The following ZSWIM5 variants were observed in gnomAD, a reference collection of about 807,000 sequenced individuals.
ZSWIM5 encodes the protein zinc finger SWIM domain-containing protein 5.
Under a neutral mutation model 119.6 loss-of-function variants are expected in ZSWIM5, and 55 were observed. That is an observed-to-expected ratio of 0.46 (90% CI 0.37 to 0.58). The LOEUF (loss-of-function observed/expected upper bound fraction) is 0.58. Among genes scored for constraint, ZSWIM5 ranks in the 20% least tolerant of loss-of-function variants. ZSWIM5 has a pLI of 0.00. For missense variants in ZSWIM5, 1,193 were observed against 1,512.8 expected, an observed-to-expected ratio of 0.79 and a Z score of 3.51; for synonymous variants, 537 against 606.9, an observed-to-expected ratio of 0.88 and a Z score of 1.69.
intron 1 of ZSWIM5, among the ~76,000 whole-genome samples, chr1:45,165,717 A>G (rs1310593236): frequency 3.3e-5 from 5 of 152,154 alleles, no homozygotes; most frequent in Non-Finnish European, 7.4e-5. Flanking sequence ...GAAAATCTAG[A>G]AAAAATGGAT....
intron 1 of ZSWIM5, among the ~76,000 whole-genome samples, chr1:45,199,374 C>T (rs896560432): frequency 1.3e-5 from 2 of 151,744 alleles, no homozygotes; most frequent in Non-Finnish European, 2.9e-5. Context: ...TCTTGGCTCA[C>T]TGCAACCTCT....
intron 2 of ZSWIM5, among the ~76,000 whole-genome samples, chr1:45,067,968 G>T (rs548101899): frequency 4.5e-4 from 69 of 152,188 alleles, no homozygotes; most frequent in African/African-American, 1.6e-3. Context: ...AAGATAGAAA[G>T]GATGTCTTTT....
At chr1:45,064,928 C>T (rs933403021) in intron 2 of ZSWIM5, among the ~76,000 whole-genome samples, 1 of 152,114 alleles carries the variant, frequency 6.6e-6, no homozygotes, top group African/African-American at 2.4e-5. Context: ...GTTTTAGGTC[C>T]CCTGAAGCTG....
chr1:45,101,321 G>C (rs1367305123), intron 1 of ZSWIM5, among the ~76,000 whole-genome samples: 1 of 152,168 alleles, frequency 6.6e-6, no homozygotes, highest in Non-Finnish European at 1.5e-5. Context: ...TCAGAGAAAT[G>C]CAAATCAAAA....
chr1:45,193,944 A>G (rs1030788766), intron 1 of ZSWIM5, among the ~76,000 whole-genome samples: 3 of 151,854 alleles, frequency 2.0e-5, no homozygotes, highest in African/African-American at 7.3e-5. Flanking sequence ...ATGTGTATAT[A>G]TATATATATA....
At chr1:45,021,375 T>A (rs1569980478) in intron 11 of ZSWIM5, among the ~76,000 whole-genome samples, 2 of 152,300 alleles carry the variant, frequency 1.3e-5, no homozygotes, top group South Asian at 2.1e-4. Context: ...GAAAGTCACA[T>A]TACTGCCAAA....
chr1:45,110,861 A>T (rs910873278), intron 1 of ZSWIM5, among the ~76,000 whole-genome samples: 1 of 152,092 alleles, frequency 6.6e-6, no homozygotes, highest in Non-Finnish European at 1.5e-5. Flanking sequence ...GATGGAGAAA[A>T]ACATTGACTT....
chr1:45,176,217 C>A (rs1457449342), intron 1 of ZSWIM5, among the ~76,000 whole-genome samples: 1 of 151,072 alleles, frequency 6.6e-6, no homozygotes, highest in African/African-American at 2.4e-5. Flanking sequence ...CAATTACAAT[C>A]CAAAACCCAG....
At chr1:45,107,370 G>A (rs1210539547) in intron 1 of ZSWIM5, among the ~76,000 whole-genome samples, 1 of 152,066 alleles carries the variant, frequency 6.6e-6, no homozygotes, top group Non-Finnish European at 1.5e-5. Context: ...TGGGCGTGGT[G>A]GCTCACACCT....
At position 45,038,969 on chromosome 1, in the gene ZSWIM5, G is replaced by A. The variant is rs758313581; in HGVS notation, c.1861C>T (p.Arg621Cys). ...CLFLTLTEAC[R>C]LNDDGYLEMS... ...TCCAGATAGCCATCATCATTCAGGCGGCAGGCCTCAGTCAAAGTGAGAAAC... is the reference window on the plus strand; with the variant it reads ...TCCAGATAGCCATCATCATTCAGGCAGCAGGCCTCAGTCAAAGTGAGAAAC... Residue 621 changes from arginine (R) to cysteine (C), a missense_variant, in exon 8 of 14, where the codon CGC (arginine) becomes TGC (cysteine). Arg to Cys is a radical substitution (Grantham distance 180). Transcript: ENST00000359600. 67 of 1,613,880 alleles carry A rather than the reference G, an allele frequency of 4.2e-5. No individual in the cohort carries two copies. The highest frequency in any genetic ancestry group is 6.7e-5 in the African/African-American group (5 of 74,892).
chr1:45,177,458 A>G (rs974680636), intron 1 of ZSWIM5, among the ~76,000 whole-genome samples: 3 of 152,118 alleles, frequency 2.0e-5, no homozygotes, highest in Admixed American at 6.6e-5. Flanking sequence ...AATTTCTACA[A>G]TTCCTACAAC....
intron 1 of ZSWIM5, among the ~76,000 whole-genome samples, chr1:45,130,344 T>C (rs2149030447): frequency 6.7e-6 from 1 of 149,448 alleles, no homozygotes; most frequent in African/African-American, 2.4e-5. Flanking sequence ...ACACTATTTA[T>C]AATATACAAA....
At chr1:45,020,809 G>T (rs1644883325) in intron 11 of ZSWIM5, 21 bp from the exon 12 acceptor site, 2 of 1,608,924 alleles carry the variant, frequency 1.2e-6, no homozygotes, top group African/African-American at 2.7e-5. Flanking sequence ...CAAGAGAAGG[G>T]GCAGGGTCTA....
chr1:45,102,497 A>G (rs1004484664), intron 1 of ZSWIM5, among the ~76,000 whole-genome samples: 1 of 152,188 alleles, frequency 6.6e-6, no homozygotes, highest in Non-Finnish European at 1.5e-5. Context: ...CTTGACATCA[A>G]TGTAATTGTC....
intron 11 of ZSWIM5, among the ~76,000 whole-genome samples, chr1:45,021,193 G>A (rs780576249): frequency 2.0e-5 from 3 of 152,046 alleles, no homozygotes; most frequent in Middle Eastern, 3.2e-3. Flanking sequence ...CCGCCACCAC[G>A]CCCGGTTAAT....
At chr1:45,084,992 C>T (rs1246413483) in intron 2 of ZSWIM5, among the ~76,000 whole-genome samples, 1 of 152,236 alleles carries the variant, frequency 6.6e-6, no homozygotes, top group Non-Finnish European at 1.5e-5. Flanking sequence ...CCACACTGCC[C>T]TAGTAGAGGT....
chr1:45,168,181 G>A (rs1376960320), intron 1 of ZSWIM5, among the ~76,000 whole-genome samples: 2 of 152,022 alleles, frequency 1.3e-5, no homozygotes, highest in Admixed American at 1.3e-4. Flanking sequence ...GTAGGGACAT[G>A]GATGAAGCTG....
At chr1:45,046,140 T>C (rs950201029) in intron 5 of ZSWIM5, among the ~76,000 whole-genome samples, 3 of 151,986 alleles carry the variant, frequency 2.0e-5, no homozygotes, top group African/African-American at 2.4e-5. Flanking sequence ...AAGATGACTT[T>C]GGGTTTTTGA....
intron 2 of ZSWIM5, among the ~76,000 whole-genome samples, chr1:45,074,059 T>C (rs1411439447): frequency 6.6e-6 from 1 of 152,016 alleles, no homozygotes; most frequent in Non-Finnish European, 1.5e-5. Flanking sequence ...TATTGAACCA[T>C]CCTTGCATCT....
Sources: gnomAD v4.1 joint callset for allele counts (sites outside exome capture counted in the v4.1 genomes callset) on GRCh38, gnomAD v4.1.1 for gene constraint, MANE v1.5 for transcripts, NCBI Gene and HGNC (gene_info 2026-07-23, HGNC 2026-07-21) for gene names.